NPTX1: variants seen among roughly 807,000 people sequenced by gnomAD.
NPTX1 encodes the protein neuronal pentraxin 1, also known as neuronal pentraxin-1.
NPTX1 carries 12 observed loss-of-function variants against 38.7 expected under a neutral mutation model. The observed-to-expected ratio is 0.31, with a 90% confidence interval of 0.20 to 0.50. NPTX1 has a LOEUF of 0.50. Among genes scored for constraint, NPTX1 ranks in the 20% least tolerant of loss-of-function variants. The pLI, the probability that NPTX1 is intolerant of heterozygous loss-of-function variation, is 0.98. For synonymous variants in NPTX1, 272 were observed against 264.9 expected, an observed-to-expected ratio of 1.03 and a Z score of -0.26; for missense variants, 454 against 592.2, an observed-to-expected ratio of 0.77 and a Z score of 2.42.
intron 2 of NPTX1, among the ~76,000 whole-genome samples, chr17:80,474,921 C>T (rs1453145914): frequency 1.3e-5 from 2 of 151,940 alleles, no homozygotes; most frequent in African/African-American, 4.8e-5. Flanking sequence ...ACTGAGAAAC[C>T]TCAGGGATTT....
chr17:80,474,884 T>C (rs2143049553), intron 2 of NPTX1, among the ~76,000 whole-genome samples: 1 of 144,892 alleles, frequency 6.9e-6, no homozygotes, highest in Non-Finnish European at 1.5e-5. Flanking sequence ...GCGCCCTGGG[T>C]GATAGACTGG....
Position 80,470,498 on chromosome 17 carries a change from T to G in NPTX1, c.*315A>C, listed in dbSNP as rs4077719. The G allele has an allele frequency of 0.21, 47,241 of 229,984 alleles. 5,800 individuals are homozygous for G. Among genetic ancestry groups the G allele is most frequent in the Non-Finnish European group, 0.28 (32,054 of 115,986 alleles). 14.2% of individuals were successfully genotyped at this position (229,984 alleles called of 1,614,324 possible). A position where few individuals can be genotyped will look rare whatever the true frequency, so the allele number is the denominator to read the frequency against. ...GCACGCACACACGTAGACACACACA[T>G]GTAGACACGCACACACAGATCCTCT... On this transcript the variant is annotated 3_prime_UTR_variant, in exon 5 of 5. Coordinates refer to ENST00000306773, the MANE Select transcript of NPTX1 (RefSeq NM_002522.4).
At position 80,473,438 on chromosome 17, in the gene NPTX1, T is replaced by C; in HGVS notation, c.659A>G (p.Lys220Arg). 6.2e-7 allele frequency: 1 copy of C among 1,613,882 alleles called. No homozygotes were observed. Among genetic ancestry groups the C allele is most frequent in the Non-Finnish European group, 8.5e-7 (1 of 1,179,968 alleles). The change falls in exon 3 of 5, where the codon AAA becomes AGA. Residue 220 changes from lysine (K) to arginine (R), a missense_variant. By Grantham distance (26) the Lys-to-Arg change is conservative. Coordinates refer to ENST00000306773, the MANE Select transcript of NPTX1 (RefSeq NM_002522.4). Reference protein sequence around the residue: ...QRISELEKGQKDNRPGDKFQL... With the variant: ...QRISELEKGQRDNRPGDKFQL... ...GAACTTGTCTCCAGGGCGGTTGTCT[T>C]TCTGACCTGCGGAAGACACAGTCCT...
At position 80,475,440 on chromosome 17, in the gene NPTX1, G is replaced by A. The variant is rs535036021; in HGVS notation, c.652+71C>T. On this transcript the variant is annotated intron_variant, in intron 2 of 4. Coordinates refer to ENST00000306773, the MANE Select transcript of NPTX1 (RefSeq NM_002522.4). The surrounding 1 kb of genome is among the most constrained non-coding windows in gnomAD (Gnocchi z 6.5). ...TGCACAGTGCAGAGCTGGGCTGTTA[G>A]GGATCGGGACCGAGGCAGGGTCGGG... 2 of 1,254,726 alleles carry A rather than the reference G, an allele frequency of 1.6e-6. No homozygotes were observed. Among genetic ancestry groups the A allele is most frequent in the African/African-American group, 3.0e-5 (2 of 67,598 alleles). The allele number at this position is 1,254,726 out of a possible 1,614,324, so 77.7% of individuals were successfully genotyped here.
rs1417193205 is a variant in NPTX1 at position 80,476,559 on chromosome 17, C to T, written c.-113G>A. 4 of 461,668 alleles carry T rather than the reference C, an allele frequency of 8.7e-6. No individual in the cohort carries two copies. Among genetic ancestry groups the T allele is most frequent in the Admixed American group, 6.3e-5 (1 of 15,986 alleles). The allele number at this position is 461,668 out of a possible 1,614,324, so 28.6% of individuals were successfully genotyped here. A position where few individuals can be genotyped will look rare whatever the true frequency, so the allele number is the denominator to read the frequency against. ...AGCGGCCCGCGCTCTGGGCGCCGCG[C>T]TCTTCGGCCGCGCGGTCCACACCGC... is the stretch of plus-strand genomic sequence containing the variant. On this transcript the variant is annotated 5_prime_UTR_variant, in exon 1 of 5. Transcript: ENST00000306773. The surrounding 1 kb of genome is among the most constrained non-coding windows in gnomAD (Gnocchi z 6.3).
In NPTX1 at chr17:80,473,459, G is replaced by C. The variant is rs764071209; in HGVS notation, c.653-15C>G. ...GTCTTTCTGACCTGCGGAAGACACA[G>C]TCCTGACATCTGCACCTGCGTGAAG... On this transcript the variant is annotated splice_polypyrimidine_tract_variant and intron_variant, in intron 2 of 4. Coordinates refer to ENST00000306773, the MANE Select transcript of NPTX1 (RefSeq NM_002522.4). 14 of 1,613,116 alleles carry C rather than the reference G, an allele frequency of 8.7e-6. No homozygotes were observed. Among genetic ancestry groups the C allele is most frequent in the Non-Finnish European group, 1.2e-5 (14 of 1,179,594 alleles).
chr17:80,470,718 T>C lies in NPTX1; in HGVS notation c.*95A>G. On this transcript the variant is annotated 3_prime_UTR_variant, in exon 5 of 5. Transcript: ENST00000306773. ...GTGCAGGGGCGACGGCCTCGGTTCA[T>C]TCCTGGGGAAAAGGGAGAGAAGAGA... is the stretch of plus-strand genomic sequence containing the variant. The C allele has an allele frequency of 1.1e-6, 1 of 926,308 alleles. No homozygotes were observed. The highest frequency in any genetic ancestry group is 1.6e-6 in the Non-Finnish European group (1 of 610,366). 57.4% of individuals were successfully genotyped at this position (926,308 alleles called of 1,614,324 possible).
rs994406593 is a variant in NPTX1 at position 80,468,237 on chromosome 17, G to C, written c.*2576C>G. The C allele has an allele frequency of 1.3e-5, 2 of 152,870 alleles. No homozygotes were observed. The highest frequency in any genetic ancestry group is 4.8e-5 in the African/African-American group (2 of 41,478). 9.5% of individuals were successfully genotyped at this position (152,870 alleles called of 1,614,324 possible). ...AGACCCTAGCAAGGGGCAGGAGGGA[G>C]CTAAAGGTCAGCTTCGGCCCTGGCA... On this transcript the variant is annotated 3_prime_UTR_variant, in exon 5 of 5. Transcript: ENST00000306773.
intron 2 of NPTX1, chr17:80,474,249 A>T (rs893090201): frequency 1.3e-5 from 2 of 151,934 alleles, no homozygotes; most frequent in African/African-American, 4.8e-5. Flanking sequence ...CCCACCGGCC[A>T]CTTCTCCCGT....
At chr17:80,474,255 C>G (rs1043778079) in intron 2 of NPTX1, 1 of 152,396 alleles carries the variant, frequency 6.6e-6, no homozygotes, top group African/African-American at 2.4e-5. Flanking sequence ...GGCCACTTCT[C>G]CCGTAAGCGC....
At position 80,475,765 on chromosome 17, in the gene NPTX1, G is replaced by A. The variant is rs780125242; in HGVS notation, c.445-47C>T. ...GAAACCACACCGTTAGGCGAGGCGCGGGGACCGTGCTGGAAGGCCCGCGGC... is the reference window on the plus strand; with the variant it reads ...GAAACCACACCGTTAGGCGAGGCGCAGGGACCGTGCTGGAAGGCCCGCGGC... On this transcript the variant is annotated intron_variant, in intron 1 of 4. Transcript: ENST00000306773. This position sits in a 1 kb window ranked among gnomAD's most constrained non-coding sequence, Gnocchi z 6.5. The A allele has an allele frequency of 2.1e-6, 3 of 1,460,526 alleles. No homozygotes were observed. The highest frequency in any genetic ancestry group is 2.8e-5 in the African/African-American group (2 of 72,390). 90.5% of individuals were successfully genotyped at this position (1,460,526 alleles called of 1,614,324 possible). A position where few individuals can be genotyped will look rare whatever the true frequency, so the allele number is the denominator to read the frequency against.
chr17:80,473,161 C>T (rs762508254), intron 3 of NPTX1, 39 bp downstream of exon 3: 6 of 1,598,742 alleles, frequency 3.8e-6, no homozygotes, highest in Non-Finnish European at 5.1e-6. Flanking sequence ...GGCCCTGGGG[C>T]CTCGCCCTGC....
Position 80,476,511 on chromosome 17 carries a change from C to A in NPTX1, c.-65G>T. 2.1e-6 allele frequency: 2 copies of A among 975,502 alleles called. No individual in the cohort carries two copies. The highest frequency in any genetic ancestry group is 2.5e-6 in the Non-Finnish European group (2 of 799,824). The allele number at this position is 975,502 out of a possible 1,614,324, so 60.4% of individuals were successfully genotyped here. On this transcript the variant is annotated 5_prime_UTR_variant, in exon 1 of 5. Coordinates refer to ENST00000306773, the MANE Select transcript of NPTX1 (RefSeq NM_002522.4). This position sits in a 1 kb window ranked among gnomAD's most constrained non-coding sequence, Gnocchi z 6.3. ...GCTGGGGCTCGGCTCCGGCTGGGAC[C>A]CGGCTCGGGCTGTGGCTCCGCGAGC...
At chr17:80,472,359 C>A (rs571823424) in intron 3 of NPTX1, among the ~76,000 whole-genome samples, 43 of 152,240 alleles carry the variant, frequency 2.8e-4, no homozygotes, top group Admixed American at 5.2e-4. Context: ...TCTCACTCTA[C>A]AACACGGCAA....
Position 80,471,052 on chromosome 17 carries a change from G to A in NPTX1, c.1078-18C>T, listed in dbSNP as rs767278117. 5 of 1,570,384 alleles carry A rather than the reference G, an allele frequency of 3.2e-6. No homozygotes were observed. The East Asian group carries it at 1.1e-4, about 35-fold the overall frequency. ...AGAGTGTCCTTCAGAGAAAAACAGAGGATGAGAGTGGAGGGGTCGCCAGGT... is the reference window on the plus strand; with the variant it reads ...AGAGTGTCCTTCAGAGAAAAACAGAAGATGAGAGTGGAGGGGTCGCCAGGT... On this transcript the variant is annotated intron_variant, in intron 4 of 4. Transcript: ENST00000306773.
chr17:80,471,403 T>C (rs2083841416), intron 4 of NPTX1, among the ~76,000 whole-genome samples: 1 of 152,068 alleles, frequency 6.6e-6, no homozygotes, highest in Non-Finnish European at 1.5e-5. Context: ...CGTCCCCGAT[T>C]CTCCATCCCT....
chr17:80,475,453 A>AGGCGGGATCGGGACCGT lies in NPTX1; in HGVS notation c.652+57_652+58insACGGTCCCGATCCCGCC. On this transcript the variant is annotated intron_variant, in intron 2 of 4. Coordinates refer to ENST00000306773, the MANE Select transcript of NPTX1 (RefSeq NM_002522.4). The surrounding 1 kb of genome is among the most constrained non-coding windows in gnomAD (Gnocchi z 6.5). ...GCTGGGCTGTTAGGGATCGGGACCGAGGCAGGGTCGGGCAAGCAGGTGCAG... is the reference window on the plus strand; with the variant it reads ...GCTGGGCTGTTAGGGATCGGGACCGAGGCGGGATCGGGACCGTGGCAGGGTCGGGCAAGCAGGTGCAG... 1 of 1,452,960 alleles carries AGGCGGGATCGGGACCGT rather than the reference A, an allele frequency of 6.9e-7. No homozygotes were observed. The highest frequency in any genetic ancestry group is 9.5e-7 in the Non-Finnish European group (1 of 1,057,128). 90.0% of individuals were successfully genotyped at this position (1,452,960 alleles called of 1,614,324 possible).
chr17:80,475,966 G>T lies in NPTX1; in HGVS notation c.444+37C>A. 1.3e-6 allele frequency: 2 copies of T among 1,534,524 alleles called. No individual in the cohort carries two copies. The highest frequency in any genetic ancestry group is 1.8e-6 in the Non-Finnish European group (2 of 1,116,316). ...TGGGGGAGGGCAGAGGGGCGAGCGAGCCGGAGGGGGAACCGGAGCCGAGGG... is the reference window on the plus strand; with the variant it reads ...TGGGGGAGGGCAGAGGGGCGAGCGATCCGGAGGGGGAACCGGAGCCGAGGG... On this transcript the variant is annotated intron_variant, in intron 1 of 4. Transcript: ENST00000306773. The surrounding 1 kb of genome is among the most constrained non-coding windows in gnomAD (Gnocchi z 6.5).
In NPTX1 at chr17:80,467,130, T is replaced by TTG. The variant is rs2083810130; in HGVS notation, c.*3682_*3683insCA. On this transcript the variant is annotated 3_prime_UTR_variant, in exon 5 of 5. Coordinates refer to ENST00000306773, the MANE Select transcript of NPTX1 (RefSeq NM_002522.4). The stretch of plus-strand genomic sequence containing the variant: ...ATATCAACCATAGGGGGTTTGCTTT[T>TTG]TTTTTTTTTTTTTTTTTGGCAAATG... 1 of 140,450 alleles carries TTG rather than the reference T, an allele frequency of 7.1e-6. No homozygotes were observed. Among genetic ancestry groups the TTG allele is most frequent in the Non-Finnish European group, 1.5e-5 (1 of 65,060 alleles). 8.7% of individuals were successfully genotyped at this position (140,450 alleles called of 1,614,324 possible).
Sources: gnomAD v4.1 joint callset for allele counts (sites outside exome capture counted in the v4.1 genomes callset) on GRCh38, gnomAD v4.1.1 for gene constraint, Gnocchi (gnomAD v3.1) non-coding constraint, MANE v1.5 for transcripts, NCBI Gene and HGNC (gene_info 2026-07-23, HGNC 2026-07-21) for gene names.